Variants in IGSF11 observed in about 807,000 individuals in gnomAD.
The protein encoded by IGSF11 is CXADR like 1.
In IGSF11, 22 loss-of-function variants were observed where a neutral mutation model predicts 41.0. The observed-to-expected ratio is 0.54, with a 90% CI of 0.38 to 0.77. IGSF11 has a LOEUF of 0.77. Among genes scored for constraint, IGSF11 ranks in the 30% least tolerant of loss-of-function variants. The probability of loss-of-function intolerance (pLI) is 0.00; values close to 1 mark genes in which losing one functional copy is unlikely to be tolerated. For missense variants in IGSF11, 444 were observed against 530.8 expected (o/e 0.84, Z 1.61); for synonymous variants, 219 against 201.3 (o/e 1.09, Z -0.74).
At chr3:118,906,685 C>T (rs1255000070) in intron 4 of IGSF11, among the ~76,000 whole-genome samples, 1 of 152,152 alleles carries the variant, frequency 6.6e-6, no homozygotes, top group Admixed American at 6.6e-5. Flanking sequence ...CAATAGTTCA[C>T]ATTTTAGTAA....
At chr3:119,101,444 A>T (rs1404234958) in intron 1 of IGSF11, among the ~76,000 whole-genome samples, 1 of 152,116 alleles carries the variant, frequency 6.6e-6, no homozygotes, top group Non-Finnish European at 1.5e-5. Flanking sequence ...GGGAGGTAGA[A>T]GTTGCAATGA....
At chr3:119,134,382 C>A (rs1018898528) in intron 1 of IGSF11, among the ~76,000 whole-genome samples, 1 of 152,166 alleles carries the variant, frequency 6.6e-6, no homozygotes, top group African/African-American at 2.4e-5. Context: ...TATACAAAAT[C>A]AATGTGCAAA....
chr3:119,115,857 G>A (rs2077249275), intron 1 of IGSF11, among the ~76,000 whole-genome samples: 1 of 152,048 alleles, frequency 6.6e-6, no homozygotes, highest in Non-Finnish European at 1.5e-5. Flanking sequence ...ACCATTTGGT[G>A]TCTGCTGATT....
intron 1 of IGSF11, chr3:118,945,873 AATG>A (rs1329598659): frequency 6.6e-6 from 1 of 152,206 alleles, no homozygotes; most frequent in Non-Finnish European, 1.5e-5. Context: ...CCTAGATTAA[AATG>A]ATGAAAGTCA....
At chr3:119,059,575 T>C (rs149952359) in intron 1 of IGSF11, among the ~76,000 whole-genome samples, 26 of 152,234 alleles carry the variant, frequency 1.7e-4, no homozygotes, top group African/African-American at 5.8e-4. Flanking sequence ...TTGAAAAGGA[T>C]ACATTTATTA....
At chr3:119,103,058 C>T (rs2573194) in intron 1 of IGSF11, among the ~76,000 whole-genome samples, 33,090 of 146,990 alleles carry the variant, frequency 0.23, 4,160 homozygotes, top group Non-Finnish European at 0.28. Flanking sequence ...AATGCAATGG[C>T]GCAATCTCAG....
chr3:118,946,301 C>T lies in IGSF11; in HGVS notation c.53-16026G>A, dbSNP rs187005635. Among the ~76,000 whole-genome samples, 434 of 151,704 alleles carry T rather than the reference C, an allele frequency of 2.9e-3. 2 individuals are homozygous for T. The highest frequency in any genetic ancestry group is 9.3e-3 in the African/African-American group (386 of 41,350). ...TTAAAAAAATCACACAACTTCCCCC[C>T]GAAATTTCATATTGCTATGGAAGAC... On this transcript the variant is annotated intron_variant, in intron 1 of 6. Transcript: ENST00000393775.
chr3:119,125,147 A>G lies in IGSF11; in HGVS notation c.-13-19942T>C, dbSNP rs545262973. ...CTTCATCAATACCAGACCTGGTTCT[A>G]TAAGAAATTCTAATGGGAGTACTTC... On this transcript the variant is annotated intron_variant, in intron 1 of 7. Coordinates refer to the IGSF11 transcript ENST00000425327. Among the ~76,000 whole-genome samples the G allele has an allele frequency of 2.0e-5, 3 of 152,364 alleles. 1 individual carries two copies. In the South Asian group the frequency reaches 6.2e-4, roughly 32 times the overall value.
At chr3:118,913,957 GAGAAGAGAA>G (rs1418035215) in intron 4 of IGSF11, among the ~76,000 whole-genome samples, 21 of 152,290 alleles carry the variant, frequency 1.4e-4, no homozygotes, top group Admixed American at 2.6e-4. Flanking sequence ...GCTAATAGGA[GAGAAGAGAA>G]AGAACTGATG....
intron 1 of IGSF11, among the ~76,000 whole-genome samples, chr3:118,952,919 AGGTTTTTGGGGAACAGGT>A (rs576539932): frequency 3.4e-4 from 52 of 152,050 alleles, no homozygotes; most frequent in African/African-American, 1.3e-3. Context: ...TTATTTCCAT[AGGTTTTTGGGGAACAGGT>A]GGTGTTTGGT....
intron 1 of IGSF11, among the ~76,000 whole-genome samples, chr3:118,979,995 T>TA (rs1373720054): frequency 6.6e-6 from 1 of 151,984 alleles, no homozygotes; most frequent in Non-Finnish European, 1.5e-5. Context: ...GTCTATTAAT[T>TA]AAAAAAAGCA....
intron 1 of IGSF11, among the ~76,000 whole-genome samples, chr3:119,119,337 G>C (rs2107528312): frequency 6.6e-6 from 1 of 152,314 alleles, no homozygotes; most frequent in South Asian, 2.1e-4. Context: ...TACATGGATG[G>C]CAGCAGTCAA....
At chr3:118,997,526 G>GCC (rs987360993) in intron 1 of IGSF11, among the ~76,000 whole-genome samples, 1 of 145,408 alleles carries the variant, frequency 6.9e-6, no homozygotes, top group South Asian at 2.2e-4. Context: ...CACCTCTGCT[G>GCC]CCCCCCCCCA....
At chr3:118,959,034 C>T (rs973004041) in intron 1 of IGSF11, among the ~76,000 whole-genome samples, 2 of 152,138 alleles carry the variant, frequency 1.3e-5, no homozygotes, top group African/African-American at 2.4e-5. Flanking sequence ...GAGGCACCTA[C>T]AAAATACGTG....
chr3:119,035,428 T>C (rs1407538096), upstream of IGSF11, among the ~76,000 whole-genome samples: 1 of 152,208 alleles, frequency 6.6e-6, no homozygotes, highest in African/African-American at 2.4e-5. Flanking sequence ...GGCTGGACCA[T>C]GCCCCTAACT....
intron 1 of IGSF11, among the ~76,000 whole-genome samples, chr3:119,043,482 C>T (rs577543124): frequency 2.3e-4 from 35 of 152,140 alleles, no homozygotes; most frequent in Non-Finnish European, 5.1e-4. Flanking sequence ...TCTCTCACAA[C>T]CATGCTCCAA....
intron 1 of IGSF11, among the ~76,000 whole-genome samples, chr3:118,967,299 G>C (rs1430675488): frequency 1.3e-5 from 2 of 152,044 alleles, no homozygotes; most frequent in Non-Finnish European, 2.9e-5. Context: ...AAAAGCCACT[G>C]ACCACATGGC....
chr3:119,023,524 C>A (rs1445916102), intron 1 of IGSF11, among the ~76,000 whole-genome samples: 1 of 152,124 alleles, frequency 6.6e-6, no homozygotes, highest in African/African-American at 2.4e-5. Flanking sequence ...TTTAAAAACA[C>A]ATATGCACAT....
At chr3:119,047,602 A>G (rs1047823825) in intron 1 of IGSF11, among the ~76,000 whole-genome samples, 1 of 152,210 alleles carries the variant, frequency 6.6e-6, no homozygotes, top group African/African-American at 2.4e-5. Flanking sequence ...ACAGAAAGTC[A>G]ACAAGGATAC....
Sources: allele counts gnomAD v4.1 joint callset (sites outside exome capture counted in the v4.1 genomes callset), GRCh38; gene constraint gnomAD v4.1.1; transcripts MANE v1.5; gene names NCBI Gene and HGNC (gene_info 2026-07-23, HGNC 2026-07-21).